Variants in ASIC2 observed in about 807,000 individuals in gnomAD.
ASIC2 encodes the protein acid-sensing ion channel 2.
In ASIC2, 25 loss-of-function variants were observed where a neutral mutation model predicts 57.3. That is an observed-to-expected ratio of 0.44 (90% CI 0.32 to 0.61). ASIC2 has a LOEUF of 0.61. Ranked by LOEUF, ASIC2 falls within the 20% of genes least tolerant of loss-of-function variation. The pLI is 0.06. For missense variants in ASIC2, 641 were observed against 738.1 expected (o/e 0.87, Z 1.52); for synonymous variants, 319 against 307.5 (o/e 1.04, Z -0.39).
At chr17:33,093,953 T>G (rs879719013) in intron 2 of ASIC2, among the ~76,000 whole-genome samples, 2 of 152,108 alleles carry the variant, frequency 1.3e-5, no homozygotes, top group Admixed American at 6.6e-5. Context: ...CAAAAATGAC[T>G]TTATAACAGT....
chr17:33,612,765 A>T (rs757601472), intron 1 of ASIC2, among the ~76,000 whole-genome samples: 6 of 152,246 alleles, frequency 3.9e-5, no homozygotes, highest in Admixed American at 6.5e-5. Flanking sequence ...TCCCTGAGTC[A>T]CCATATGGAC....
At chr17:33,376,004 C>G (rs964317659) in intron 1 of ASIC2, among the ~76,000 whole-genome samples, 1 of 152,024 alleles carries the variant, frequency 6.6e-6, no homozygotes, top group Non-Finnish European at 1.5e-5. Context: ...GTTGAATAGG[C>G]AGTTAAGTTT....
At chr17:33,799,442 C>CTTCTTTCTTT (rs778397261) in intron 1 of ASIC2, among the ~76,000 whole-genome samples, 1 of 68,154 alleles carries the variant, frequency 1.5e-5, no homozygotes, top group Non-Finnish European at 3.1e-5. Context: ...TTCTTTCTTT[C>CTTCTTTCTTT]TTTCTTTCTT....
chr17:33,929,849 G>T (rs930823637), intron 1 of ASIC2, among the ~76,000 whole-genome samples: 16 of 152,164 alleles, frequency 1.1e-4, no homozygotes, highest in African/African-American at 3.9e-4. Flanking sequence ...GAAAATATAC[G>T]ATAAAAGGCT....
intron 1 of ASIC2, among the ~76,000 whole-genome samples, chr17:33,696,376 G>A (rs910838261): frequency 2.6e-5 from 4 of 152,146 alleles, no homozygotes; most frequent in Non-Finnish European, 2.9e-5. Context: ...GTTTAGGACC[G>A]GAGCAAAGAG....
chr17:33,101,884 G>A (rs2092213402), intron 2 of ASIC2, among the ~76,000 whole-genome samples: 1 of 151,050 alleles, frequency 6.6e-6, no homozygotes, highest in African/African-American at 2.4e-5. Flanking sequence ...GTTTTACCTT[G>A]CTTTTTCCTT....
chr17:34,148,432 C>A (rs1251451105), intron 1 of ASIC2, among the ~76,000 whole-genome samples: 1 of 152,184 alleles, frequency 6.6e-6, no homozygotes, highest in Non-Finnish European at 1.5e-5. Flanking sequence ...CTTAGCTTGA[C>A]AAAGGTTGCC....
At chr17:33,605,898 A>G (rs1292075336) in intron 1 of ASIC2, among the ~76,000 whole-genome samples, 3 of 152,134 alleles carry the variant, frequency 2.0e-5, no homozygotes, top group African/African-American at 4.8e-5. Flanking sequence ...GTCCCCACTG[A>G]GTCTCGGGCA....
At chr17:34,078,906 G>C (rs1171820991) in intron 1 of ASIC2, 1 of 152,222 alleles carries the variant, frequency 6.6e-6, no homozygotes, top group Non-Finnish European at 1.5e-5. Context: ...TGGACTCCTG[G>C]AGAAGCTTAT....
At chr17:33,561,046 G>A (rs1485406708) in intron 1 of ASIC2, among the ~76,000 whole-genome samples, 1 of 152,112 alleles carries the variant, frequency 6.6e-6, no homozygotes, top group African/African-American at 2.4e-5. Flanking sequence ...AAGCCTTTCT[G>A]TTTCCTGGGC....
At chr17:34,144,843 G>A (rs1005695125) in intron 1 of ASIC2, among the ~76,000 whole-genome samples, 2 of 152,128 alleles carry the variant, frequency 1.3e-5, no homozygotes, top group Non-Finnish European at 2.9e-5. Flanking sequence ...ATATCCCTTT[G>A]TTGTCTGTTA....
intron 1 of ASIC2, among the ~76,000 whole-genome samples, chr17:34,147,972 T>C (rs114279605): frequency 0.01 from 1,559 of 152,246 alleles, 23 homozygotes; most frequent in African/African-American, 0.036. Flanking sequence ...ATCTCAGCTC[T>C]TACAAAAGAA....
At chr17:34,129,621 T>C (rs1413474571) in intron 1 of ASIC2, among the ~76,000 whole-genome samples, 1 of 152,192 alleles carries the variant, frequency 6.6e-6, no homozygotes, top group East Asian at 1.9e-4. Context: ...TCATGGAGAC[T>C]CACAGTACCT....
intron 1 of ASIC2, among the ~76,000 whole-genome samples, chr17:33,557,388 T>C (rs1468073720): frequency 1.3e-5 from 2 of 152,214 alleles, no homozygotes; most frequent in Non-Finnish European, 2.9e-5. Flanking sequence ...AAATACCTAC[T>C]ATGTGCTAAG....
chr17:33,755,781 G>A (rs1480565957), intron 1 of ASIC2, among the ~76,000 whole-genome samples: 1 of 152,166 alleles, frequency 6.6e-6, no homozygotes, highest in Non-Finnish European at 1.5e-5. Context: ...ATACAGAGGG[G>A]ACCAAAGGAA....
At chr17:34,080,189 A>C in intron 1 of ASIC2, among the ~76,000 whole-genome samples, 1 of 152,160 alleles carries the variant, frequency 6.6e-6, no homozygotes, top group East Asian at 1.9e-4. Flanking sequence ...AGAAAATACC[A>C]CCAAAACTAT....
At chr17:34,019,513 A>C (rs1907082935) in intron 1 of ASIC2, among the ~76,000 whole-genome samples, 1 of 152,240 alleles carries the variant, frequency 6.6e-6, no homozygotes, top group Non-Finnish European at 1.5e-5. Flanking sequence ...AGAAGCCATC[A>C]ACACTGAGGC....
rs201528572 is a variant in ASIC2, at chr17:33,016,978, CCA to C, written c.1521+625_1521+626del. ...AGAGATGCAGGTGAGAAGGCTGACC[CCA>C]GCTCTGGGAACCCTCATTGTCAGAG... On this transcript the variant is annotated intron_variant, in intron 8 of 9. Transcript: ENST00000225823. Among the ~76,000 whole-genome samples, 10 of 27,140 alleles carry C rather than the reference CCA, an allele frequency of 3.7e-4. No individual in the cohort carries two copies. In the African/African-American group the frequency reaches 5.4e-3, roughly 15 times the overall value. 17.8% of individuals were successfully genotyped at this position (27,140 alleles called of 152,430 possible).
intron 1 of ASIC2, among the ~76,000 whole-genome samples, chr17:33,857,770 T>A (rs1914000810): frequency 6.6e-6 from 1 of 152,214 alleles, no homozygotes; most frequent in Non-Finnish European, 1.5e-5. Context: ...ATATCCAACA[T>A]ATCTCCTTCA....
Sources: gnomAD v4.1 joint callset for allele counts (sites outside exome capture counted in the v4.1 genomes callset) on GRCh38, gnomAD v4.1.1 for gene constraint, MANE v1.5 for transcripts, NCBI Gene and HGNC (gene_info 2026-07-23, HGNC 2026-07-21) for gene names.